Variants in STXBP4 observed in about 807,000 individuals in gnomAD.
STXBP4 encodes the protein syntaxin-binding protein 4.
A neutral mutation model predicts 76.1 loss-of-function variants in STXBP4; 55 were observed. The ratio of observed to expected loss-of-function variants is 0.72; its 90% confidence interval spans 0.58 to 0.91. STXBP4 has a LOEUF of 0.91. Among genes scored for constraint, STXBP4 ranks in the 40% least tolerant of loss-of-function variants. The pLI is 0.00. For missense variants in STXBP4, 618 were observed against 636.9 expected (o/e 0.97, Z 0.32); for synonymous variants, 201 against 220.2 (o/e 0.91, Z 0.77).
the STXBP4 span, among the ~76,000 whole-genome samples, chr17:55,199,995 G>A: frequency 5.3e-5 from 8 of 152,034 alleles, no homozygotes; most frequent in African/African-American, 9.7e-5. Flanking sequence ...GTCCTTCCTC[G>A]GTCATATCTA....
At chr17:55,069,774 C>G (rs1321455985) in intron 12 of STXBP4, among the ~76,000 whole-genome samples, 2 of 152,096 alleles carry the variant, frequency 1.3e-5, no homozygotes, top group East Asian at 3.8e-4. Flanking sequence ...TATATAAATT[C>G]CATCCAGAGT....
At chr17:55,039,107 A>G (rs1340623171) in intron 10 of STXBP4, among the ~76,000 whole-genome samples, 2 of 152,332 alleles carry the variant, frequency 1.3e-5, no homozygotes, top group Non-Finnish European at 2.9e-5. Flanking sequence ...AACTTGGCCT[A>G]CATATTTTAA....
rs184670361 is a variant in STXBP4 at position 55,168,786 on chromosome 17, A to G, written c.*8875A>G. On this transcript the variant is annotated 3_prime_UTR_variant, in exon 18 of 18. Transcript: ENST00000376352. ...GATAAATAACATTTCTTAAAGGAAT[A>G]TTCTACTGCAGTCTCTGAGATTTTT... 4.7e-4 allele frequency: 71 copies of G among 152,300 alleles called. No individual in the cohort carries two copies. The highest frequency in any genetic ancestry group is 1.7e-3 in the African/African-American group (70 of 41,570). The allele number at this position is 152,300 out of a possible 1,614,324, so 9.4% of individuals were successfully genotyped here. A position where few individuals can be genotyped will look rare whatever the true frequency, so the allele number is the denominator to read the frequency against.
intron 16 of STXBP4, among the ~76,000 whole-genome samples, chr17:55,092,651 A>G (rs1409297411): frequency 6.6e-6 from 1 of 152,212 alleles, no homozygotes; most frequent in Admixed American, 6.5e-5. Context: ...TGAAATCAGC[A>G]ATATATTACC....
intron 16 of STXBP4, among the ~76,000 whole-genome samples, chr17:55,101,683 ATATT>A (rs1312873909): frequency 6.6e-6 from 1 of 152,230 alleles, no homozygotes; most frequent in East Asian, 1.9e-4. Context: ...AGCATACATG[ATATT>A]TATTTATGTA....
chr17:55,169,121 T>A lies in STXBP4; in HGVS notation c.*9210T>A, dbSNP rs1229799018. On this transcript the variant is annotated 3_prime_UTR_variant, in exon 18 of 18. Transcript: ENST00000376352. ...GTTTAATTCCTCTGACATAAGGATT[T>A]ATGTGAATTAGGAAGTGGCCCAAGG... The A allele has an allele frequency of 1.3e-5, 2 of 152,064 alleles. No homozygotes were observed. Among genetic ancestry groups the A allele is most frequent in the Non-Finnish European group, 2.9e-5 (2 of 68,008 alleles). The allele number at this position is 152,064 out of a possible 1,614,324, so 9.4% of individuals were successfully genotyped here.
Position 55,161,879 on chromosome 17 carries a change from T to C in STXBP4, c.*1968T>C, listed in dbSNP as rs244300. The C allele has an allele frequency of 6.6e-6, 1 of 151,998 alleles. No individual in the cohort carries two copies. Among genetic ancestry groups the C allele is most frequent in the Admixed American group, 6.5e-5 (1 of 15,270 alleles). 9.4% of individuals were successfully genotyped at this position (151,998 alleles called of 1,614,324 possible). ...TTGCCTAAGGGTCACAAAGCACCTATGTGTAGAAGCTAGGGTTCAAGGCAG... is the reference window on the plus strand; with the variant it reads ...TTGCCTAAGGGTCACAAAGCACCTACGTGTAGAAGCTAGGGTTCAAGGCAG... On this transcript the variant is annotated 3_prime_UTR_variant, in exon 18 of 18. Coordinates refer to ENST00000376352, the MANE Select transcript of STXBP4 (RefSeq NM_178509.6).
At chr17:55,072,786 T>C in intron 12 of STXBP4, 114 bp from the exon 13 acceptor site, 1 of 698,516 alleles carries the variant, frequency 1.4e-6, no homozygotes, top group Non-Finnish European at 2.1e-6. Context: ...ATAAATAATA[T>C]ATGTATATTG....
intron 16 of STXBP4, among the ~76,000 whole-genome samples, chr17:55,104,653 G>A (rs2079608825): frequency 6.6e-6 from 1 of 152,176 alleles, no homozygotes; most frequent in Admixed American, 6.5e-5. Context: ...AAATGAGTTA[G>A]GGAGGAGTCC....
intron 16 of STXBP4, among the ~76,000 whole-genome samples, chr17:55,107,629 A>G (rs1231206370): frequency 1.3e-5 from 2 of 152,080 alleles, no homozygotes; most frequent in Non-Finnish European, 2.9e-5. Flanking sequence ...GTTGGTGTTG[A>G]TGCTATTCCT....
intron 1 of STXBP4, among the ~76,000 whole-genome samples, chr17:54,971,515 T>C (rs1231408588): frequency 1.3e-5 from 2 of 152,236 alleles, no homozygotes; most frequent in Non-Finnish European, 1.5e-5. Flanking sequence ...CCCACCCTTA[T>C]GACCTCATTC....
chr17:55,013,055 A>G (rs766597644), intron 8 of STXBP4, among the ~76,000 whole-genome samples: 12 of 152,214 alleles, frequency 7.9e-5, no homozygotes, highest in Non-Finnish European at 1.5e-4. Context: ...TGTTCACCTC[A>G]TGAGATGTCC....
At chr17:55,151,786 T>C (rs779526758) in intron 17 of STXBP4, among the ~76,000 whole-genome samples, 3 of 152,244 alleles carry the variant, frequency 2.0e-5, no homozygotes, top group Non-Finnish European at 4.4e-5. Context: ...AAAAATAGTA[T>C]TTGCTTGATG....
At chr17:54,972,346 G>A (rs2077413224) in intron 1 of STXBP4, among the ~76,000 whole-genome samples, 1 of 152,094 alleles carries the variant, frequency 6.6e-6, no homozygotes, top group African/African-American at 2.4e-5. Context: ...TCACTGTGAT[G>A]GATGCCAAAT....
At chr17:55,137,223 C>T (rs2080039456) in intron 16 of STXBP4, among the ~76,000 whole-genome samples, 1 of 151,698 alleles carries the variant, frequency 6.6e-6, no homozygotes, top group African/African-American at 2.4e-5. Flanking sequence ...TATTCTTTAA[C>T]AAAGCCTTAT....
chr17:55,184,609 T>C, the STXBP4 span, among the ~76,000 whole-genome samples: 1 of 152,166 alleles, frequency 6.6e-6, no homozygotes, highest in South Asian at 2.1e-4. Context: ...ATCAGAAAAA[T>C]ATAAGCTGAG....
At chr17:55,089,223 G>T (rs1012943617) in intron 16 of STXBP4, among the ~76,000 whole-genome samples, 4 of 152,154 alleles carry the variant, frequency 2.6e-5, no homozygotes, top group Non-Finnish European at 5.9e-5. Context: ...TGCTGCCACT[G>T]CCATGACTAC....
chr17:55,029,100 TG>T (rs1487131532), intron 8 of STXBP4, among the ~76,000 whole-genome samples: 1 of 151,858 alleles, frequency 6.6e-6, no homozygotes, highest in African/African-American at 2.4e-5. Flanking sequence ...AATCAGGGAA[TG>T]GATAATAAAT....
At chr17:55,205,659 C>A in the STXBP4 span, among the ~76,000 whole-genome samples, 2 of 151,744 alleles carry the variant, frequency 1.3e-5, no homozygotes, top group East Asian at 3.9e-4. Context: ...AAATGTTCAA[C>A]CTCATTGTAT....
Sources: allele counts gnomAD v4.1 joint callset (sites outside exome capture counted in the v4.1 genomes callset), GRCh38; gene constraint gnomAD v4.1.1; transcripts MANE v1.5; gene names NCBI Gene and HGNC (gene_info 2026-07-23, HGNC 2026-07-21).